The following ADGRG3 variants were observed in gnomAD, a reference collection of about 807,000 sequenced individuals.
The protein encoded by ADGRG3 is G protein-coupled receptor 97.
A neutral mutation model predicts 54.3 loss-of-function variants in ADGRG3; 39 were observed. The observed-to-expected ratio is 0.72, with a 90% CI of 0.56 to 0.94. ADGRG3 has a LOEUF of 0.94. Ranked by LOEUF, ADGRG3 falls within the 40% of genes least tolerant of loss-of-function variation. The pLI is 0.00. For missense variants in ADGRG3, 654 were observed against 694.6 expected (o/e 0.94, Z 0.66); for synonymous variants, 312 against 290.0 (o/e 1.08, Z -0.77).
intron 2 of ADGRG3, among the ~76,000 whole-genome samples, chr16:57,674,279 T>C (rs1391140025): frequency 6.6e-6 from 1 of 151,928 alleles, no homozygotes; most frequent in East Asian, 1.9e-4. Flanking sequence ...GATGATACGA[T>C]GTAGACTCCG....
Position 57,682,564 on chromosome 16 carries a change from C to T in ADGRG3, c.882-1368C>T, listed in dbSNP as rs545925148. On this transcript the variant is annotated intron_variant, in intron 8 of 11. Transcript: ENST00000333493. The stretch of plus-strand genomic sequence containing the variant: ...TGGCCGCATTGCTGGACCCTGTGAG[C>T]GGGGCTTGGAGCGCCAGGAGAAATT... 19 of 985,304 alleles carry T rather than the reference C, an allele frequency of 1.9e-5. No individual in the cohort carries two copies. The South Asian group carries it at 2.8e-4, about 15-fold the overall frequency. The allele number at this position is 985,304 out of a possible 1,614,324, so 61.0% of individuals were successfully genotyped here.
In ADGRG3 at chr16:57,683,040, G is replaced by A. The variant is rs1426700851; in HGVS notation, c.882-892G>A. Among the ~76,000 whole-genome samples, 14 of 152,334 alleles carry A rather than the reference G, an allele frequency of 9.2e-5. No individual in the cohort carries two copies. In the East Asian group the frequency reaches 2.5e-3, roughly 27 times the overall value. On this transcript the variant is annotated intron_variant, in intron 8 of 11. Transcript: ENST00000333493. The stretch of plus-strand genomic sequence containing the variant: ...TCAGGCTAAGGGGCATTCAGAGATG[G>A]CCTCCCCAGAAGGAAACCTCCAAGG...
chr16:57,677,734 C>G (rs923208741), intron 3 of ADGRG3, among the ~76,000 whole-genome samples: 3 of 152,204 alleles, frequency 2.0e-5, no homozygotes, highest in Admixed American at 6.5e-5. Context: ...CTTGTTCTCT[C>G]GCTTCCTGAA....
intron 3 of ADGRG3, among the ~76,000 whole-genome samples, chr16:57,676,596 T>C (rs1283431615): frequency 2.0e-5 from 3 of 152,228 alleles, no homozygotes; most frequent in Non-Finnish European, 4.4e-5. Context: ...TATGCTGGTC[T>C]GGATTCAAAT....
chr16:57,676,244 C>A lies in ADGRG3; in HGVS notation c.251C>A (p.Thr84Lys), dbSNP rs57838522. 2.5e-6 allele frequency: 4 copies of A among 1,613,850 alleles called. No homozygotes were observed. Among genetic ancestry groups the A allele is most frequent in the East Asian group, 2.2e-5 (1 of 44,894 alleles). The change falls in exon 3 of 12, where the codon ACG becomes AAG. Residue 84 changes from threonine (T) to lysine (K), a missense_variant. Transcript: ENST00000333493. The stretch of plus-strand genomic sequence containing the variant: ...GCCCATCTGATGAAGGAAGGTTTGA[C>A]GCAGAAGGTGAACACGCCTTTCCTG... The part of the protein sequence containing the change: ...YEAHLMKEGL[T>K]QKVNTPFLKA...
chr16:57,678,081 T>C, intron 3 of ADGRG3, 89 bp from the exon 4 acceptor site: 1 of 1,528,090 alleles, frequency 6.5e-7, no homozygotes, highest in Non-Finnish European at 9.0e-7. Context: ...CCCTACCCAG[T>C]GTGCCTGCTT....
chr16:57,675,110 C>A (rs1390202627), intron 2 of ADGRG3, among the ~76,000 whole-genome samples: 1 of 151,494 alleles, frequency 6.6e-6, no homozygotes, highest in Admixed American at 6.6e-5. Flanking sequence ...CCCAAATGTC[C>A]CTCAATGGAT....
At chr16:57,679,575 A>C in intron 5 of ADGRG3, among the ~76,000 whole-genome samples, 1 of 152,160 alleles carries the variant, frequency 6.6e-6, no homozygotes. Context: ...GCACACATGC[A>C]TGCAGACAGG....
chr16:57,681,373 TGTGCGC>T (rs754864745), intron 8 of ADGRG3, among the ~76,000 whole-genome samples: 135 of 83,428 alleles, frequency 1.6e-3, no homozygotes, highest in African/African-American at 3.9e-3. Context: ...TGTGTGTGTG[TGTGCGC>T]GCGTGCGTGC....
At chr16:57,685,528 TG>T (rs1311204042) in intron 10 of ADGRG3, 114 bp from the exon 11 acceptor site, 20 of 983,420 alleles carry the variant, frequency 2.0e-5, no homozygotes, top group Admixed American at 1.7e-4. Flanking sequence ...CAGGGATTGA[TG>T]GGTGGAAATG....
upstream of ADGRG3, among the ~76,000 whole-genome samples, chr16:57,667,979 G>A (rs1451139190): frequency 2.6e-5 from 4 of 152,206 alleles, no homozygotes; most frequent in Admixed American, 1.3e-4. Flanking sequence ...GAGTAGGTGC[G>A]CCTGACTCCA....
chr16:57,678,125 T>A, intron 3 of ADGRG3, 45 bp from the exon 4 acceptor site: 1 of 1,599,736 alleles, frequency 6.3e-7, no homozygotes, highest in Non-Finnish European at 8.5e-7. Flanking sequence ...AGGACTCGTG[T>A]TGGGGGGTGG....
intron 2 of ADGRG3, among the ~76,000 whole-genome samples, chr16:57,674,052 T>C (rs1351369431): frequency 6.6e-6 from 1 of 152,066 alleles, no homozygotes; most frequent in Non-Finnish European, 1.5e-5. Context: ...GTTATACCAA[T>C]GGGTGAGGGC....
At chr16:57,685,191 A>G (rs1259869375) in intron 10 of ADGRG3, among the ~76,000 whole-genome samples, 1 of 152,162 alleles carries the variant, frequency 6.6e-6, no homozygotes, top group East Asian at 1.9e-4. Context: ...CCTCAAAAGC[A>G]GGGGCCCCAG....
rs74624241 is a variant in ADGRG3 at position 57,679,596 on chromosome 16, T to C, written c.628-220T>C. Among the ~76,000 whole-genome samples, 838 of 152,230 alleles carry C rather than the reference T, an allele frequency of 5.5e-3. 30 individuals are homozygous for C. The East Asian group carries it at 0.091, about 17-fold the overall frequency. On this transcript the variant is annotated intron_variant, in intron 5 of 11. Transcript: ENST00000333493. ...ATGCATGCAGACAGGCAAACCCTCC[T>C]GCCCACAGCCCCACACCACAGTCGC...
At position 57,678,477 on chromosome 16, in the gene ADGRG3, G is replaced by A. The variant is rs2048304296; in HGVS notation, c.492+161G>A. 3 of 641,914 alleles carry A rather than the reference G, an allele frequency of 4.7e-6. No homozygotes were observed. The Admixed American group carries it at 8.1e-5, about 17-fold the overall frequency. The allele number at this position is 641,914 out of a possible 1,614,324, so 39.8% of individuals were successfully genotyped here. A position where few individuals can be genotyped will look rare whatever the true frequency, so the allele number is the denominator to read the frequency against. On this transcript the variant is annotated intron_variant, in intron 4 of 11. Coordinates refer to ENST00000333493, the MANE Select transcript of ADGRG3 (RefSeq NM_170776.5). ...CAGCCCGTGGCCATCTCAGACACCT[G>A]TCACTAGAGTCTATGGTCTTCAGAC...
intron 4 of ADGRG3, chr16:57,678,722 G>C (rs1597767795): frequency 6.4e-6 from 2 of 314,228 alleles, no homozygotes; most frequent in East Asian, 1.4e-4. Context: ...TGTATACCAG[G>C]TATGTGCACC....
chr16:57,686,473 T>C lies in ADGRG3; in HGVS notation c.1540+547T>C, dbSNP rs143391408. Reference sequence around the variant, plus strand: ...CCACCTCCAACATTGGGAATCACATTTGGACATGAGATTTGGAAGCAACAA... The same window carrying C: ...CCACCTCCAACATTGGGAATCACATCTGGACATGAGATTTGGAAGCAACAA... On this transcript the variant is annotated intron_variant, in intron 11 of 11. Transcript: ENST00000333493. Among the ~76,000 whole-genome samples the C allele has an allele frequency of 7.9e-3, 1,206 of 152,224 alleles. 14 individuals carry two copies. The highest frequency in any genetic ancestry group is 0.028 in the African/African-American group (1,150 of 41,524).
intron 10 of ADGRG3, 26 bp downstream of exon 10, chr16:57,684,509 G>A (rs1207093630): frequency 5.2e-6 from 8 of 1,529,258 alleles, no homozygotes; most frequent in Admixed American, 3.4e-5. Context: ...GGGAGCAGGG[G>A]TGATGCCAGC....
Sources: allele counts gnomAD v4.1 joint callset (sites outside exome capture counted in the v4.1 genomes callset), GRCh38; gene constraint gnomAD v4.1.1; transcripts MANE v1.5; gene names NCBI Gene and HGNC (gene_info 2026-07-23, HGNC 2026-07-21).